RGS5: variants seen among roughly 807,000 people sequenced by gnomAD.
RGS5 encodes the protein regulator of G protein signaling 5.
A neutral mutation model predicts 18.9 loss-of-function variants in RGS5; 20 were observed. The ratio of observed to expected loss-of-function variants is 1.06; its 90% CI spans 0.74 to 1.54. RGS5 has a LOEUF of 1.54. Ranked by LOEUF, RGS5 falls within the 40% of genes most tolerant of loss-of-function variation. The pLI is 0.00. For missense variants in RGS5, 201 were observed against 211.8 expected, an observed-to-expected ratio of 0.95 and a Z score of 0.32; for synonymous variants, 57 against 76.2, an observed-to-expected ratio of 0.75 and a Z score of 1.31.
At chr1:163,210,714 T>C (rs1402867141) in intron 1 of RGS5, 1 of 152,232 alleles carries the variant, frequency 6.6e-6, no homozygotes, top group South Asian at 2.1e-4. Flanking sequence ...CAACAAAGAT[T>C]TGCTATTGAA....
intron 1 of RGS5, among the ~76,000 whole-genome samples, chr1:163,187,622 G>A (rs1659149081): frequency 6.6e-6 from 1 of 152,196 alleles, no homozygotes; most frequent in South Asian, 2.1e-4. Context: ...GGAGCTTCCG[G>A]ATAGCTGGAC....
intron 4 of RGS5, among the ~76,000 whole-genome samples, chr1:163,147,918 CTTTTT>C (rs534448527): frequency 3.6e-4 from 28 of 78,098 alleles, no homozygotes; most frequent in Admixed American, 2.2e-3. Context: ...TTTTCTTTTT[CTTTTT>C]TTTTTTTTTT....
At chr1:163,236,931 A>C (rs113552616) in intron 2 of RGS5, among the ~76,000 whole-genome samples, 8,848 of 151,406 alleles carry the variant, frequency 0.058, 293 homozygotes, top group Middle Eastern at 0.13. Context: ...ACTGCACTTC[A>C]GCCTGGGCAG....
chr1:163,155,307 T>A (rs1657538397), intron 3 of RGS5, among the ~76,000 whole-genome samples: 1 of 152,204 alleles, frequency 6.6e-6, no homozygotes, highest in African/African-American at 2.4e-5. Context: ...AATATTCACA[T>A]TTACTGACTT....
At chr1:163,257,723 A>T (rs2101703194) in intron 2 of RGS5, among the ~76,000 whole-genome samples, 1 of 152,258 alleles carries the variant, frequency 6.6e-6, no homozygotes. Context: ...CACACACTGG[A>T]ATATTGTAAC....
chr1:163,182,077 T>A (rs1658874425), intron 1 of RGS5, among the ~76,000 whole-genome samples: 1 of 152,192 alleles, frequency 6.6e-6, no homozygotes, highest in Non-Finnish European at 1.5e-5. Flanking sequence ...ATTATTATTG[T>A]CACTATCATA....
chr1:163,206,892 T>C (rs569307014), upstream of RGS5: 2 of 152,340 alleles, frequency 1.3e-5, no homozygotes, highest in South Asian at 4.1e-4. Context: ...ATAAAAAGTA[T>C]ATAGTAATTA....
At chr1:163,159,391 A>G (rs1657713447) in intron 3 of RGS5, among the ~76,000 whole-genome samples, 1 of 152,224 alleles carries the variant, frequency 6.6e-6, no homozygotes. Flanking sequence ...AGAAATTATA[A>G]AAGTATTAAT....
intron 2 of RGS5, among the ~76,000 whole-genome samples, chr1:163,303,768 C>T (rs1649626205): frequency 6.6e-6 from 1 of 152,174 alleles, no homozygotes; most frequent in Non-Finnish European, 1.5e-5. Context: ...TACCACCTGC[C>T]TGAGCTCCAT....
At chr1:163,274,848 G>C (rs1213896363) in intron 2 of RGS5, among the ~76,000 whole-genome samples, 1 of 152,192 alleles carries the variant, frequency 6.6e-6, no homozygotes, top group Admixed American at 6.5e-5. Context: ...CTTACAAGGT[G>C]GGTCACACTT....
chr1:163,210,984 G>A (rs1391484696), intron 1 of RGS5: 1 of 152,178 alleles, frequency 6.6e-6, no homozygotes, highest in Non-Finnish European at 1.5e-5. Context: ...TCTGGATTAT[G>A]CATATGGAAG....
At position 163,228,840 on chromosome 1, in the gene RGS5, C is replaced by T. The variant is rs112736811; in HGVS notation, c.-280-60472G>A. On this transcript the variant is annotated intron_variant, in intron 2 of 5. Coordinates refer to the RGS5 transcript ENST00000618415. The stretch of plus-strand genomic sequence containing the variant: ...GGCAAGGGCAAAATGCCACCAGTCT[C>T]TTTGCTAAAGCATATCAAGAGCCAC... 1.2e-3 allele frequency among the ~76,000 whole-genome samples: 188 copies of T among 152,326 alleles called. 1 individual carries two copies. Among genetic ancestry groups the T allele is most frequent in the African/African-American group, 4.4e-3 (183 of 41,578 alleles).
At chr1:163,175,841 C>T (rs995062112) in intron 1 of RGS5, among the ~76,000 whole-genome samples, 1 of 152,076 alleles carries the variant, frequency 6.6e-6, no homozygotes, top group Non-Finnish European at 1.5e-5. Flanking sequence ...AAATACTCCT[C>T]GGGTGCTCCA....
intron 1 of RGS5, among the ~76,000 whole-genome samples, chr1:163,189,608 C>A (rs1341297606): frequency 6.6e-6 from 1 of 152,118 alleles, no homozygotes; most frequent in African/African-American, 2.4e-5. Flanking sequence ...TAAGTCCTTC[C>A]ATCTACCCCA....
At chr1:163,172,374 A>G (rs184897849) in intron 1 of RGS5, among the ~76,000 whole-genome samples, 9 of 152,344 alleles carry the variant, frequency 5.9e-5, no homozygotes, top group Admixed American at 2.0e-4. Flanking sequence ...TATAAATGGT[A>G]GTTAAATGCT....
intron 1 of RGS5, chr1:163,321,461 G>A (rs1320278348): frequency 6.6e-6 from 1 of 152,142 alleles, no homozygotes; most frequent in East Asian, 1.9e-4. Flanking sequence ...TGCATTCTCT[G>A]ATTCAGAGCC....
At chr1:163,169,315 A>G (rs1658198466) in intron 1 of RGS5, among the ~76,000 whole-genome samples, 1 of 152,164 alleles carries the variant, frequency 6.6e-6, no homozygotes, top group South Asian at 2.1e-4. Context: ...TAGTGCCACA[A>G]TAAACATATG....
chr1:163,163,415 T>G (rs1657895555), intron 2 of RGS5, among the ~76,000 whole-genome samples: 1 of 152,142 alleles, frequency 6.6e-6, no homozygotes, highest in Admixed American at 6.5e-5. Context: ...CCTCAGAAAT[T>G]TATTTCTAAC....
At chr1:163,168,407 T>G in intron 1 of RGS5, 39 bp from the exon 2 acceptor site, 2 of 1,386,936 alleles carry the variant, frequency 1.4e-6, no homozygotes, top group Non-Finnish European at 2.0e-6. Flanking sequence ...GGACACCACA[T>G]GTGCATACAG....
Sources: allele counts gnomAD v4.1 joint callset (sites outside exome capture counted in the v4.1 genomes callset), GRCh38; gene constraint gnomAD v4.1.1; transcripts MANE v1.5; gene names NCBI Gene and HGNC (gene_info 2026-07-23, HGNC 2026-07-21).